Variants in INPP4B observed in about 807,000 individuals in gnomAD.
INPP4B encodes the protein inositol polyphosphate 4-phosphatase type II.
In INPP4B, 55 loss-of-function variants were observed where a neutral mutation model predicts 122.5. The ratio of observed to expected loss-of-function variants is 0.45; its 90% CI spans 0.36 to 0.56. INPP4B has a LOEUF of 0.56. INPP4B is among the 20% of genes least tolerant of loss of function. The pLI, the probability that INPP4B is intolerant of heterozygous loss-of-function variation, is 0.00. For missense variants in INPP4B, 1,000 were observed against 1,097.7 expected (o/e 0.91, Z 1.26); for synonymous variants, 403 against 388.7 (o/e 1.04, Z -0.43).
intron 2 of INPP4B, among the ~76,000 whole-genome samples, chr4:142,597,460 G>A (rs1473145903): frequency 6.6e-6 from 1 of 152,148 alleles, no homozygotes; most frequent in Admixed American, 6.5e-5. Context: ...AGGTAAGTAG[G>A]CCTTAGATGA....
At chr4:142,586,639 G>T (rs1299927496) in intron 2 of INPP4B, among the ~76,000 whole-genome samples, 1 of 152,132 alleles carries the variant, frequency 6.6e-6, no homozygotes, top group Non-Finnish European at 1.5e-5. Context: ...TAACACACAG[G>T]CTAGTGGTAG....
chr4:142,266,111 T>C (rs184914623), intron 10 of INPP4B, among the ~76,000 whole-genome samples: 43 of 152,300 alleles, frequency 2.8e-4, no homozygotes, highest in African/African-American at 9.4e-4. Flanking sequence ...TTCTGCTCTG[T>C]GTCCCCAGTT....
intron 18 of INPP4B, among the ~76,000 whole-genome samples, chr4:142,133,995 T>C (rs1478860135): frequency 6.6e-6 from 1 of 152,226 alleles, no homozygotes; most frequent in African/African-American, 2.4e-5. Context: ...TACTATACCA[T>C]GCAATGGCCC....
At chr4:142,510,322 T>G (rs1012443898) in intron 2 of INPP4B, among the ~76,000 whole-genome samples, 2 of 152,168 alleles carry the variant, frequency 1.3e-5, no homozygotes, top group African/African-American at 2.4e-5. Context: ...ATACTCTCCC[T>G]AGAGGAATTA....
At chr4:142,505,547 G>A (rs1823918743) in intron 2 of INPP4B, among the ~76,000 whole-genome samples, 1 of 146,890 alleles carries the variant, frequency 6.8e-6, no homozygotes, top group Admixed American at 7.2e-5. Flanking sequence ...GTAAGATTGT[G>A]AAAATAAAAT....
intron 25 of INPP4B, among the ~76,000 whole-genome samples, chr4:142,065,921 T>G (rs1763291107): frequency 6.6e-6 from 1 of 152,154 alleles, no homozygotes; most frequent in Non-Finnish European, 1.5e-5. Context: ...CTGGGTGCAC[T>G]GCCCTCCAGG....
At chr4:142,288,944 A>C (rs1377731922) in intron 9 of INPP4B, among the ~76,000 whole-genome samples, 1 of 152,140 alleles carries the variant, frequency 6.6e-6, no homozygotes, top group Admixed American at 6.5e-5. Context: ...ATATTATTTG[A>C]ACTCTGGAAT....
At chr4:142,284,357 A>C (rs2150840520) in intron 9 of INPP4B, among the ~76,000 whole-genome samples, 1 of 152,294 alleles carries the variant, frequency 6.6e-6, no homozygotes, top group East Asian at 1.9e-4. Flanking sequence ...CAAATAAGTG[A>C]GAAGAGATAG....
intron 2 of INPP4B, among the ~76,000 whole-genome samples, chr4:142,640,883 C>T (rs1385808094): frequency 1.3e-5 from 2 of 152,064 alleles, no homozygotes; most frequent in African/African-American, 4.8e-5. Flanking sequence ...TACTGCTAGA[C>T]ACTCAGCAGA....
In INPP4B at chr4:142,416,016, G is replaced by T. The variant is rs1314601622; in HGVS notation, c.137-10692C>A. On this transcript the variant is annotated intron_variant, in intron 5 of 25. Coordinates refer to ENST00000262992, the MANE Select transcript of INPP4B (RefSeq NM_001101669.3). ...TGGGGACTGTTGTGGGGTGGGGTGA[G>T]GGGGGAGGGATAGCATTAGGAGATA... 6.6e-5 allele frequency among the ~76,000 whole-genome samples: 10 copies of T among 151,932 alleles called. No homozygotes were observed. In the Middle Eastern group the frequency reaches 0.01, roughly 155 times the overall value.
At chr4:142,507,150 T>C (rs1020275012) in intron 2 of INPP4B, among the ~76,000 whole-genome samples, 7 of 152,166 alleles carry the variant, frequency 4.6e-5, no homozygotes, top group African/African-American at 1.7e-4. Flanking sequence ...TAAAGCCCAT[T>C]GATCATACAG....
At chr4:142,449,307 T>C (rs926747871) in intron 3 of INPP4B, among the ~76,000 whole-genome samples, 2 of 152,192 alleles carry the variant, frequency 1.3e-5, no homozygotes, top group African/African-American at 2.4e-5. Flanking sequence ...TGTAAGCGTA[T>C]TGACACTTAA....
chr4:142,563,366 T>C (rs1406313074), intron 2 of INPP4B, among the ~76,000 whole-genome samples: 1 of 152,120 alleles, frequency 6.6e-6, no homozygotes, highest in African/African-American at 2.4e-5. Context: ...CCAAAACAGA[T>C]GCAAAGGGTT....
chr4:142,269,179 A>G (rs1174867066), intron 10 of INPP4B, among the ~76,000 whole-genome samples: 2 of 152,222 alleles, frequency 1.3e-5, no homozygotes, highest in Non-Finnish European at 2.9e-5. Context: ...TTTACTGAAT[A>G]TGAGAGGAAT....
At chr4:142,803,996 T>C (rs1778357016) in intron 1 of INPP4B, among the ~76,000 whole-genome samples, 1 of 151,182 alleles carries the variant, frequency 6.6e-6, no homozygotes, top group Admixed American at 6.6e-5. Context: ...GAGGTGGAGG[T>C]TGCAGTGAGC....
At chr4:142,046,309 T>C (rs1328066022) in intron 25 of INPP4B, among the ~76,000 whole-genome samples, 1 of 152,130 alleles carries the variant, frequency 6.6e-6, no homozygotes, top group Non-Finnish European at 1.5e-5. Flanking sequence ...CTTTAGACCT[T>C]TGTTAAAACT....
At chr4:142,503,674 G>A (rs183415774) in intron 2 of INPP4B, among the ~76,000 whole-genome samples, 8 of 152,114 alleles carry the variant, frequency 5.3e-5, no homozygotes, top group Admixed American at 1.3e-4. Flanking sequence ...TTTACAAGAA[G>A]AATAGGTGCC....
Position 142,132,850 on chromosome 4 carries a change from T to C in INPP4B, c.1721-8090A>G, listed in dbSNP as rs116629468. Among the ~76,000 whole-genome samples the C allele has an allele frequency of 3.2e-3, 495 of 152,350 alleles. 3 individuals carry two copies. The highest frequency in any genetic ancestry group is 0.011 in the African/African-American group (464 of 41,590). On this transcript the variant is annotated intron_variant, in intron 18 of 25. Coordinates refer to ENST00000262992, the MANE Select transcript of INPP4B (RefSeq NM_001101669.3). ...CAGCTCCTATACTTTATTTCTCCAT[T>C]TCCTTTCACAATGAAAGTTCTCAAA...
chr4:142,806,699 A>G (rs533815542), intron 1 of INPP4B, among the ~76,000 whole-genome samples: 85 of 151,364 alleles, frequency 5.6e-4, no homozygotes, highest in African/African-American at 1.9e-3. Context: ...AGCTGACATC[A>G]TGCCACTGCA....
Sources: gnomAD v4.1 joint callset for allele counts (sites outside exome capture counted in the v4.1 genomes callset) on GRCh38, gnomAD v4.1.1 for gene constraint, MANE v1.5 for transcripts, NCBI Gene and HGNC (gene_info 2026-07-23, HGNC 2026-07-21) for gene names.